SPTBN5: variants seen among roughly 807,000 people sequenced by gnomAD.
SPTBN5 encodes spectrin beta, non-erythrocytic 5.
SPTBN5 carries 513 observed loss-of-function variants against 477.6 expected under a neutral mutation model. That is an observed-to-expected ratio of 1.07 (90% CI 1.00 to 1.16). SPTBN5 has a LOEUF of 1.16. SPTBN5 is among the 50% of genes most tolerant of loss of function. SPTBN5 has a pLI of 0.00. For synonymous variants in SPTBN5, 2,169 were observed against 2,011.7 expected (o/e 1.08, Z -2.09); for missense variants, 5,062 against 4,731.8 (o/e 1.07, Z -2.05).
rs1300593627 is a variant in SPTBN5, at chr15:41,866,374, G to A, written c.6600C>T (p.Ala2200=). 3.1e-6 allele frequency: 5 copies of A among 1,610,716 alleles called. No individual in the cohort carries two copies. Among genetic ancestry groups the A allele is most frequent in the South Asian group, 2.2e-5 (2 of 90,588 alleles). The stretch of plus-strand genomic sequence containing the variant: ...CAACAGAGGTCATGACCTCCTCATG[G>A]GCCTGGACTTCAGCCTCAAAGGCCT... The part of the protein sequence containing the change: ...KHQAFEAEVQ[A]HEEVMTSVAK... Residue 2200 remains alanine, a synonymous_variant, in exon 37 of 68, where the codon GCC becomes GCT. Transcript: ENST00000320955.
chr15:41,853,051 TGGGCA>T lies in SPTBN5; in HGVS notation c.10171-56_10171-52del. 2.0e-6 allele frequency: 3 copies of T among 1,466,316 alleles called. No homozygotes were observed. In the South Asian group the frequency reaches 4.2e-5, roughly 21 times the overall value. The allele number at this position is 1,466,316 out of a possible 1,614,324, so 90.8% of individuals were successfully genotyped here. A position where few individuals can be genotyped will look rare whatever the true frequency, so the allele number is the denominator to read the frequency against. On this transcript the variant is annotated intron_variant, in intron 59 of 67. Transcript: ENST00000320955. ...GACAGCTTGGGTAGGGCTCCCACCA[TGGGCA>T]GGGCAGGGCTGGAGAGCCAAGTGTT...
chr15:41,878,280 ACCCAGAG>A (rs963102276), intron 17 of SPTBN5, 55 bp downstream of exon 17: 3 of 1,561,038 alleles, frequency 1.9e-6, no homozygotes, highest in African/African-American at 2.7e-5. Context: ...CTGGGCCTGA[ACCCAGAG>A]CCCAGAGCCC....
Position 41,887,971 on chromosome 15 carries a change from A to G in SPTBN5, c.616T>C (p.Trp206Arg), listed in dbSNP as rs1595515272. ...NVNITDFSRS[W>R]SDGLGFNALI... Reference sequence around the variant, plus strand: ...GCATTGAAGCCCAGCCCATCGCTCCAGCTTCGGGAGAAATCTGTAATGTTC... The same window carrying G: ...GCATTGAAGCCCAGCCCATCGCTCCGGCTTCGGGAGAAATCTGTAATGTTC... The change falls in exon 5 of 68, where the codon TGG becomes CGG. Residue 206 changes from tryptophan (W) to arginine (R), a missense_variant. Transcript: ENST00000320955. The G allele has an allele frequency of 1.2e-6, 2 of 1,608,328 alleles. No homozygotes were observed. The highest frequency in any genetic ancestry group is 1.7e-6 in the Non-Finnish European group (2 of 1,177,688).
At chr15:41,858,390 C>T (rs959468189) in intron 49 of SPTBN5, among the ~76,000 whole-genome samples, 4 of 152,212 alleles carry the variant, frequency 2.6e-5, no homozygotes, top group African/African-American at 7.2e-5. Context: ...TGAAAAGCTG[C>T]CATTTTTGGA....
chr15:41,848,538 G>A lies in SPTBN5; in HGVS notation c.*78C>T, dbSNP rs1234354529. 6 of 1,567,704 alleles carry A rather than the reference G, an allele frequency of 3.8e-6. No individual in the cohort carries two copies. The highest frequency in any genetic ancestry group is 1.4e-5 in the African/African-American group (1 of 73,998). On this transcript the variant is annotated 3_prime_UTR_variant, in exon 68 of 68. Coordinates refer to ENST00000320955, the MANE Select transcript of SPTBN5 (RefSeq NM_016642.4). ...GCCACGGGAAGGAGCCCTTTTGCCT[G>A]TAGCTGAGTCTTATTCTGGTCCCTT... is the stretch of plus-strand genomic sequence containing the variant.
Position 41,848,513 on chromosome 15 carries a change from G to T in SPTBN5, c.*103C>A. 2 of 1,403,622 alleles carry T rather than the reference G, an allele frequency of 1.4e-6. No individual in the cohort carries two copies. The highest frequency in any genetic ancestry group is 2.0e-6 in the Non-Finnish European group (2 of 988,882). The allele number at this position is 1,403,622 out of a possible 1,614,324, so 86.9% of individuals were successfully genotyped here. A position where few individuals can be genotyped will look rare whatever the true frequency, so the allele number is the denominator to read the frequency against. ...GGGCCTGGGGAACTGGGTTGAAGCA[G>T]CCACGGGAAGGAGCCCTTTTGCCTG... is the stretch of plus-strand genomic sequence containing the variant. On this transcript the variant is annotated 3_prime_UTR_variant, in exon 68 of 68. Coordinates refer to ENST00000320955, the MANE Select transcript of SPTBN5 (RefSeq NM_016642.4).
At position 41,867,263 on chromosome 15, in the gene SPTBN5, C is replaced by T. The variant is rs982829266; in HGVS notation, c.6313-137G>A. 8 of 1,093,936 alleles carry T rather than the reference C, an allele frequency of 7.3e-6. No individual in the cohort carries two copies. The Admixed American group carries it at 1.1e-4, about 16-fold the overall frequency. The allele number at this position is 1,093,936 out of a possible 1,614,324, so 67.8% of individuals were successfully genotyped here. A position where few individuals can be genotyped will look rare whatever the true frequency, so the allele number is the denominator to read the frequency against. ...ACATGGCTGAGGGGTATCTGATCCT[C>T]CCAGCCACAAGCCAGACCAGTCTGC... is the stretch of plus-strand genomic sequence containing the variant. On this transcript the variant is annotated intron_variant, in intron 35 of 67. Coordinates refer to ENST00000320955, the MANE Select transcript of SPTBN5 (RefSeq NM_016642.4).
chr15:41,868,569 C>T lies in SPTBN5; in HGVS notation c.5886G>A (p.Val1962=). The T allele has an allele frequency of 1.2e-6, 2 of 1,601,630 alleles. No homozygotes were observed. Among genetic ancestry groups the T allele is most frequent in the East Asian group, 4.5e-5 (2 of 44,874 alleles). The part of the protein sequence containing the change: ...VRDYASWAAR[V]RQDLQVEESS... ...TCTCCTCCACCTGCAGGTCCTGGCG[C>T]ACGCGGGCTGCCCAGGAGGCATAGT... The change falls in exon 33 of 68, where the codon GTG becomes GTA. Residue 1962 remains valine (V), a synonymous_variant. Transcript: ENST00000320955.
Position 41,851,136 on chromosome 15 carries a change from T to G in SPTBN5, c.10758A>C (p.Ile3586=). 6.2e-7 allele frequency: 1 copy of G among 1,613,158 alleles called. No individual in the cohort carries two copies. Among genetic ancestry groups the G allele is most frequent in the East Asian group, 2.2e-5 (1 of 44,870 alleles). ...ERMAAEKVAS[I]ALLDLTGARC... ...GGGCTCCCGTGAGGTCAAGGAGGGC[T>G]ATGGAAGCTACTTTCTGAGGAGAGA... The change falls in exon 65 of 68, where the codon ATA becomes ATC. Residue 3586 remains isoleucine, a synonymous_variant. Transcript: ENST00000320955.
intron 43 of SPTBN5, 97 bp from the exon 44 acceptor site, chr15:41,862,389 A>G: frequency 6.6e-7 from 1 of 1,522,364 alleles, no homozygotes; most frequent in East Asian, 2.3e-5. Context: ...CAACCACAGG[A>G]GGGCCCATGG....
intron 12 of SPTBN5, 47 bp downstream of exon 12, chr15:41,881,889 C>T (rs960796346): frequency 1.4e-6 from 2 of 1,480,380 alleles, no homozygotes; most frequent in African/African-American, 1.5e-5. Flanking sequence ...GGCCCAGCCG[C>T]GGTGGAGCAA....
intron 19 of SPTBN5, 70 bp from the exon 20 acceptor site, chr15:41,876,717 CCCCACCCCCTACTCT>C: frequency 6.2e-7 from 1 of 1,600,286 alleles, no homozygotes; most frequent in East Asian, 2.2e-5. Flanking sequence ...GTGCACTCTC[CCCCACCCCCTACTCT>C]CCCAGCCCTA....
At chr15:41,857,095 G>T in intron 51 of SPTBN5, 56 bp from the exon 52 acceptor site, 1 of 1,544,892 alleles carries the variant, frequency 6.5e-7, no homozygotes, top group Non-Finnish European at 8.7e-7. Context: ...TCAGTATTAG[G>T]GATACCTGGT....
At chr15:41,870,671 C>A in intron 29 of SPTBN5, 111 bp from the exon 30 acceptor site, 1 of 842,358 alleles carries the variant, frequency 1.2e-6, no homozygotes, top group South Asian at 1.7e-5. Context: ...TCGGGACTTG[C>A]CCAAAGCTCC....
intron 11 of SPTBN5, 31 bp downstream of exon 11, chr15:41,882,237 GC>G: frequency 2.8e-6 from 1 of 357,948 alleles, no homozygotes; most frequent in South Asian, 4.5e-5. Flanking sequence ...GCCGGGCCCC[GC>G]CCCCACCCCG....
intron 56 of SPTBN5, among the ~76,000 whole-genome samples, 183 bp downstream of exon 56, chr15:41,854,599 G>A (rs1239721891): frequency 6.6e-6 from 1 of 151,782 alleles, no homozygotes; most frequent in East Asian, 1.9e-4. Flanking sequence ...CTACAGAGAT[G>A]GAATGTCCTG....
chr15:41,862,992 C>T, intron 41 of SPTBN5, 89 bp from the exon 42 acceptor site: 1 of 1,172,302 alleles, frequency 8.5e-7, no homozygotes, highest in Non-Finnish European at 1.2e-6. Flanking sequence ...CTTCTGTGTG[C>T]ACAGCAAGTC....
chr15:41,861,912 G>A lies in SPTBN5; in HGVS notation c.7560C>T (p.Asp2520=), dbSNP rs2066122474. 6.2e-7 allele frequency: 1 copy of A among 1,603,096 alleles called. No homozygotes were observed. Among genetic ancestry groups the A allele is most frequent in the Non-Finnish European group, 8.5e-7 (1 of 1,177,782 alleles). The change falls in exon 45 of 68, where the codon GAC becomes GAT. Residue 2520 remains aspartate, a synonymous_variant. Coordinates refer to ENST00000320955, the MANE Select transcript of SPTBN5 (RefSeq NM_016642.4). The stretch of plus-strand genomic sequence containing the variant: ...CCAGGCTGATGCTGTCTGTCCAGGA[G>A]TCCAGCTCGGCCTGGAACAGGACTG... ...EEHQECKAEL[D]SWTDSISLAR... is the part of the protein sequence containing the mutation.
chr15:41,862,512 G>A, intron 43 of SPTBN5, 27 bp downstream of exon 43: 1 of 1,575,348 alleles, frequency 6.3e-7, no homozygotes, highest in Non-Finnish European at 8.6e-7. Context: ...GGATGGGTCG[G>A]CGAGGGCAAG....
Sources: allele counts gnomAD v4.1 joint callset (sites outside exome capture counted in the v4.1 genomes callset), GRCh38; gene constraint gnomAD v4.1.1; transcripts MANE v1.5; gene names NCBI Gene and HGNC (gene_info 2026-07-23, HGNC 2026-07-21).